MBD5: variants seen among roughly 807,000 people sequenced by gnomAD.
The protein encoded by MBD5 is methyl-CpG binding domain protein 5.
MBD5 carries 13 observed loss-of-function variants against 117.3 expected under a neutral mutation model. That is an observed-to-expected ratio of 0.11 (90% CI 0.07 to 0.18). MBD5 has a LOEUF of 0.18. Among genes scored for constraint, MBD5 ranks in the 10% least tolerant of loss-of-function variants. The pLI is 1.00. For synonymous variants in MBD5, 727 were observed against 766.4 expected (o/e 0.95, Z 0.85); for missense variants, 1,879 against 2,093.8 (o/e 0.90, Z 2.00).
At chr2:148,398,074 T>G (rs1009862037) in intron 4 of MBD5, among the ~76,000 whole-genome samples, 5 of 152,218 alleles carry the variant, frequency 3.3e-5, no homozygotes, top group African/African-American at 1.2e-4. Context: ...TTGGATTGGT[T>G]CCAAGTCTTT....
In MBD5 at chr2:148,512,376, C is replaced by CTA. The variant is rs1682245898; in HGVS notation, c.5113-492_5113-491dup. On this transcript the variant is annotated intron_variant, in intron 13 of 13. Transcript: ENST00000642680. The stretch of plus-strand genomic sequence containing the variant: ...TATGAACAAACATCCTTGGGCTGAG[C>CTA]TATGTGTGCATGTTATTATAATTTG... 3 of 198,260 alleles carry CTA rather than the reference C, an allele frequency of 1.5e-5. No individual in the cohort carries two copies. In the Admixed American group the frequency reaches 1.6e-4, roughly 10 times the overall value. 12.3% of individuals were successfully genotyped at this position (198,260 alleles called of 1,614,324 possible). A position where few individuals can be genotyped will look rare whatever the true frequency, so the allele number is the denominator to read the frequency against.
chr2:148,162,648 A>C (rs1018816394), intron 1 of MBD5, among the ~76,000 whole-genome samples: 5 of 152,184 alleles, frequency 3.3e-5, no homozygotes, highest in Non-Finnish European at 7.4e-5. Flanking sequence ...AGGGTGTTAC[A>C]TGGTCACTTA....
At position 148,469,076 on chromosome 2, in the gene MBD5, C is replaced by A; in HGVS notation, c.1133C>A (p.Pro378Gln). The A allele has an allele frequency of 6.2e-7, 1 of 1,613,972 alleles. No homozygotes were observed. The highest frequency in any genetic ancestry group is 8.5e-7 in the Non-Finnish European group (1 of 1,179,946). The change falls in exon 8 of 14, where the codon CCA (proline) becomes CAA (glutamine). Residue 378 changes from proline to glutamine, a missense_variant. This residue lies in a region of MBD5 where 1,666 missense variants were observed against 1,792.2 expected (regional missense o/e 0.93). Coordinates refer to ENST00000642680, the MANE Select transcript of MBD5 (RefSeq NM_001378120.1). ...AATCAGAACCCTGTTATCATTAATC[C>A]AACCAGTTTCCATTCAAATGTCCAC... ...PVNQNPVIIN[P>Q]TSFHSNVHSQ...
At chr2:148,154,006 G>A (rs1482633663) in intron 1 of MBD5, among the ~76,000 whole-genome samples, 1 of 118,630 alleles carries the variant, frequency 8.4e-6, no homozygotes, top group Non-Finnish European at 1.8e-5. Context: ...TTTGGAGGAG[G>A]AGAGGCGCTC....
chr2:148,382,402 T>G (rs1255170382), intron 4 of MBD5, among the ~76,000 whole-genome samples: 1 of 152,104 alleles, frequency 6.6e-6, no homozygotes, highest in Non-Finnish European at 1.5e-5. Flanking sequence ...CAAGAAGAAC[T>G]AACTATGCTA....
chr2:148,247,879 G>C (rs78447086), intron 3 of MBD5, among the ~76,000 whole-genome samples: 19,285 of 152,178 alleles, frequency 0.13, 1,480 homozygotes, highest in Non-Finnish European at 0.18. Context: ...GTATGGTGAA[G>C]TTAGGTACCC....
chr2:148,121,728 T>C (rs928700616), intron 1 of MBD5, among the ~76,000 whole-genome samples: 8 of 152,122 alleles, frequency 5.3e-5, no homozygotes, highest in Non-Finnish European at 1.0e-4. Flanking sequence ...TGAATGGATA[T>C]GAAAAGCAAC....
At chr2:148,287,596 T>C (rs564633112) in intron 3 of MBD5, among the ~76,000 whole-genome samples, 17 of 152,164 alleles carry the variant, frequency 1.1e-4, no homozygotes, top group African/African-American at 4.1e-4. Context: ...TACCACAGAT[T>C]GCATAATTTA....
Position 148,091,474 on chromosome 2 carries a change from A to G in MBD5, c.-925+69790A>G, listed in dbSNP as rs186950089. Among the ~76,000 whole-genome samples, 497 of 152,324 alleles carry G rather than the reference A, an allele frequency of 3.3e-3. 2 individuals carry two copies. Among genetic ancestry groups the G allele is most frequent in the Admixed American group, 5.9e-3 (91 of 15,300 alleles). ...TCCAAATAGGCACGTAGACCAATAG[A>G]ATAGAATAGAACACCCAGAAATAAA... On this transcript the variant is annotated intron_variant, in intron 1 of 13. Transcript: ENST00000642680.
At chr2:148,507,375 G>A (rs1389546382) in intron 12 of MBD5, among the ~76,000 whole-genome samples, 1 of 152,134 alleles carries the variant, frequency 6.6e-6, no homozygotes, top group Non-Finnish European at 1.5e-5. Context: ...TTCTTAAAAA[G>A]TCATGAAGTA....
chr2:148,077,786 A>G (rs1234404), intron 1 of MBD5, among the ~76,000 whole-genome samples: 20,720 of 152,096 alleles, frequency 0.14, 1,614 homozygotes, highest in African/African-American at 0.21. Flanking sequence ...AAAATCTGCA[A>G]AAGATGTGAC....
intron 4 of MBD5, among the ~76,000 whole-genome samples, chr2:148,345,410 T>C (rs1373480470): frequency 2.0e-4 from 29 of 145,384 alleles, no homozygotes; most frequent in African/African-American, 4.3e-4. Flanking sequence ...TATACACATA[T>C]ACATATACAT....
intron 4 of MBD5, among the ~76,000 whole-genome samples, chr2:148,422,004 G>C (rs904427526): frequency 7.2e-5 from 11 of 152,218 alleles, no homozygotes; most frequent in African/African-American, 2.4e-4. Flanking sequence ...TGTGGGTGCA[G>C]CTTCAGCAGA....
intron 3 of MBD5, among the ~76,000 whole-genome samples, chr2:148,263,186 G>T (rs1700772848): frequency 6.6e-6 from 1 of 152,164 alleles, no homozygotes; most frequent in African/African-American, 2.4e-5. Context: ...TATACAGAAG[G>T]CTGTGGAATT....
chr2:148,257,819 C>T (rs902778341), intron 3 of MBD5, among the ~76,000 whole-genome samples: 2 of 152,102 alleles, frequency 1.3e-5, no homozygotes, highest in Non-Finnish European at 2.9e-5. Context: ...GGAGTGATAT[C>T]GATGGAGAAA....
At chr2:148,111,187 G>A (rs964379072) in intron 1 of MBD5, among the ~76,000 whole-genome samples, 2 of 152,150 alleles carry the variant, frequency 1.3e-5, no homozygotes, top group African/African-American at 4.8e-5. Context: ...CTTTAAAATA[G>A]AGAAATCTGG....
chr2:148,278,239 A>G (rs1358357623), intron 3 of MBD5, among the ~76,000 whole-genome samples: 1 of 152,100 alleles, frequency 6.6e-6, no homozygotes, highest in Admixed American at 6.5e-5. Flanking sequence ...GCTGGTTTAT[A>G]TGACTCTGAT....
At chr2:148,473,202 A>G (rs1305342322) in intron 8 of MBD5, among the ~76,000 whole-genome samples, 1 of 152,206 alleles carries the variant, frequency 6.6e-6, no homozygotes, top group African/African-American at 2.4e-5. Flanking sequence ...AATAATGACT[A>G]GAATTTTTAC....
intron 12 of MBD5, among the ~76,000 whole-genome samples, chr2:148,506,338 G>A (rs1410615143): frequency 1.3e-5 from 2 of 152,298 alleles, no homozygotes; most frequent in Middle Eastern, 3.4e-3. Context: ...CTATATGTAC[G>A]TATACATTTC....
Sources: gnomAD v4.1 joint callset for allele counts (sites outside exome capture counted in the v4.1 genomes callset) on GRCh38, gnomAD v4.1.1 for gene constraint, gnomAD v4.1.1 regional missense constraint, MANE v1.5 for transcripts, NCBI Gene and HGNC (gene_info 2026-07-23, HGNC 2026-07-21) for gene names.